The following POU3F3 variants were observed in gnomAD, a reference collection of about 807,000 sequenced individuals.
The protein encoded by POU3F3 is POU domain, class 3, transcription factor 3.
A neutral mutation model predicts 8.6 loss-of-function variants in POU3F3; 1 was observed. That is an observed-to-expected ratio of 0.12 (90% CI 0.04 to 0.55). POU3F3 has a LOEUF of 0.55. POU3F3 is among the 20% of genes least tolerant of loss of function. POU3F3 has a pLI of 0.91. For synonymous variants in POU3F3, 418 were observed against 327.4 expected (o/e 1.28, Z -2.99); for missense variants, 577 against 690.7 (o/e 0.84, Z 1.84).
Position 104,856,602 on chromosome 2 carries a change from G to A in POU3F3, c.1092G>A (p.Glu364=). ...VFSQTTICRF[E]ALQLSFKNMC... ...CGCAGACCACCATCTGCCGCTTCGAGGCCCTGCAGCTGAGCTTCAAGAACA... is the reference window on the plus strand; with the variant it reads ...CGCAGACCACCATCTGCCGCTTCGAAGCCCTGCAGCTGAGCTTCAAGAACA... The change falls in exon 1 of 1, where the codon GAG becomes GAA. Residue 364 remains glutamate (E), a synonymous_variant. Transcript: ENST00000361360. The A allele has an allele frequency of 6.2e-7, 1 of 1,614,174 alleles. No individual in the cohort carries two copies. The highest frequency in any genetic ancestry group is 8.5e-7 in the Non-Finnish European group (1 of 1,180,034).
At chr2:104,882,412 C>T in the POU3F3 span, among the ~76,000 whole-genome samples, 4 of 151,848 alleles carry the variant, frequency 2.6e-5, no homozygotes, top group South Asian at 2.1e-4. Context: ...CCACCATGCC[C>T]GGCTAATTTT....
chr2:104,900,399 A>G, the POU3F3 span, among the ~76,000 whole-genome samples: 1 of 152,228 alleles, frequency 6.6e-6, no homozygotes, highest in Non-Finnish European at 1.5e-5. Context: ...TTTATTCCTT[A>G]TATGTACAAA....
chr2:104,925,497 G>A, the POU3F3 span, among the ~76,000 whole-genome samples: 6 of 152,288 alleles, frequency 3.9e-5, no homozygotes, highest in East Asian at 1.2e-3. Context: ...GCAAAAGAGG[G>A]TGGGGAGGAG....
the POU3F3 span, among the ~76,000 whole-genome samples, chr2:104,907,306 C>T: frequency 1.3e-5 from 2 of 152,226 alleles, no homozygotes; most frequent in African/African-American, 4.8e-5. Flanking sequence ...ACTTTCCTCA[C>T]CCATCTGTCC....
chr2:104,855,447 CGCGGCT>C lies in POU3F3; in HGVS notation c.-61_-56del. 1 of 768,480 alleles carries C rather than the reference CGCGGCT, an allele frequency of 1.3e-6. No individual in the cohort carries two copies. Among genetic ancestry groups the C allele is most frequent in the Non-Finnish European group, 1.5e-6 (1 of 661,596 alleles). 47.6% of individuals were successfully genotyped at this position (768,480 alleles called of 1,614,324 possible). On this transcript the variant is annotated 5_prime_UTR_variant, in exon 1 of 1. Transcript: ENST00000361360. ...CGGCGGCGGCGGCGGCGGCGGCGGC[CGCGGCT>C]GCTGCTGCGGCGGCGGCGGCGGTGG... is the stretch of plus-strand genomic sequence containing the variant.
chr2:104,910,556 T>C, the POU3F3 span, among the ~76,000 whole-genome samples: 3 of 152,186 alleles, frequency 2.0e-5, no homozygotes, highest in Admixed American at 1.3e-4. Context: ...ATGTGAGGGT[T>C]AATTGAGAGA....
the POU3F3 span, among the ~76,000 whole-genome samples, chr2:104,910,588 A>G: frequency 1.3e-5 from 2 of 152,224 alleles, no homozygotes; most frequent in East Asian, 3.9e-4. Context: ...CTATTGTGAC[A>G]GTGAAGTGCT....
the POU3F3 span, among the ~76,000 whole-genome samples, chr2:104,909,357 T>C: frequency 3.9e-5 from 6 of 152,196 alleles, no homozygotes; most frequent in Non-Finnish European, 7.3e-5. Flanking sequence ...CCAGAAGATA[T>C]GCCAGAAAAG....
chr2:104,893,804 A>G, the POU3F3 span, among the ~76,000 whole-genome samples: 1 of 147,252 alleles, frequency 6.8e-6, no homozygotes, highest in African/African-American at 2.5e-5. Flanking sequence ...AATTGCTTGA[A>G]CCCTGGAGGC....
the POU3F3 span, among the ~76,000 whole-genome samples, chr2:104,898,941 A>T: frequency 7.4e-4 from 113 of 152,320 alleles, no homozygotes; most frequent in Non-Finnish European, 1.2e-3. Flanking sequence ...CTGACAGCAG[A>T]ACCAGAAGAT....
the POU3F3 span, among the ~76,000 whole-genome samples, chr2:104,872,065 C>T: frequency 5.2e-4 from 79 of 152,064 alleles, no homozygotes; most frequent in South Asian, 0.016. The surrounding 1 kb of genome is among the most constrained non-coding windows in gnomAD (Gnocchi z 4.6). Context: ...CCCGAACACA[C>T]ACACACAGAC....
At chr2:104,877,142 G>T in the POU3F3 span, among the ~76,000 whole-genome samples, 1 of 152,238 alleles carries the variant, frequency 6.6e-6, no homozygotes, top group African/African-American at 2.4e-5. Flanking sequence ...ATGTTTGGGG[G>T]CGCTGGGACC....
the POU3F3 span, among the ~76,000 whole-genome samples, chr2:104,911,037 C>T: frequency 6.6e-6 from 1 of 152,062 alleles, no homozygotes; most frequent in Admixed American, 6.6e-5. Flanking sequence ...ATATCAGGGA[C>T]TTGAGTATTC....
chr2:104,903,869 G>A, the POU3F3 span, among the ~76,000 whole-genome samples: 1 of 152,144 alleles, frequency 6.6e-6, no homozygotes, highest in Non-Finnish European at 1.5e-5. Flanking sequence ...TTAAGATTTG[G>A]TTCTGATTTT....
In POU3F3 at chr2:104,855,461, C is replaced by A; in HGVS notation, c.-50C>A. 3 of 872,246 alleles carry A rather than the reference C, an allele frequency of 3.4e-6. No individual in the cohort carries two copies. Among genetic ancestry groups the A allele is most frequent in the Non-Finnish European group, 4.0e-6 (3 of 740,900 alleles). The allele number at this position is 872,246 out of a possible 1,614,324, so 54.0% of individuals were successfully genotyped here. On this transcript the variant is annotated 5_prime_UTR_variant, in exon 1 of 1. Transcript: ENST00000361360. ...GCGGCGGCGGCCGCGGCTGCTGCTG[C>A]GGCGGCGGCGGCGGTGGTGGCGGCG...
Position 104,855,729 on chromosome 2 carries a change from C to G in POU3F3, c.219C>G (p.Val73=). 7.7e-7 allele frequency: 1 copy of G among 1,294,752 alleles called. No individual in the cohort carries two copies. 80.2% of individuals were successfully genotyped at this position (1,294,752 alleles called of 1,614,324 possible). A position where few individuals can be genotyped will look rare whatever the true frequency, so the allele number is the denominator to read the frequency against. ...GGGACCCGTCCTCTGTCAAGATGGT[C>G]CAGAGCGACTTCATGCAGGGGGCCA... The part of the protein sequence containing the change: ...YRGDPSSVKM[V]QSDFMQGAMA... Residue 73 remains valine, a synonymous_variant, in exon 1 of 1, where the codon GTC becomes GTG. Transcript: ENST00000361360.
At chr2:104,874,305 C>G in the POU3F3 span, among the ~76,000 whole-genome samples, 1 of 152,166 alleles carries the variant, frequency 6.6e-6, no homozygotes, top group Non-Finnish European at 1.5e-5. Flanking sequence ...GACAAAGGCA[C>G]CGGAGGGACT....
At chr2:104,879,626 T>G in the POU3F3 span, among the ~76,000 whole-genome samples, 1 of 151,970 alleles carries the variant, frequency 6.6e-6, no homozygotes, top group Non-Finnish European at 1.5e-5. Flanking sequence ...GGCCCTGAAG[T>G]GGGGTGCCCT....
the POU3F3 span, among the ~76,000 whole-genome samples, chr2:104,878,862 G>A: frequency 6.6e-6 from 1 of 150,922 alleles, no homozygotes; most frequent in Non-Finnish European, 1.5e-5. Context: ...ACAATACACA[G>A]CACAGCACAC....
Sources: allele counts gnomAD v4.1 joint callset (sites outside exome capture counted in the v4.1 genomes callset), GRCh38; gene constraint gnomAD v4.1.1; non-coding constraint Gnocchi (gnomAD v3.1); transcripts MANE v1.5; gene names NCBI Gene and HGNC (gene_info 2026-07-23, HGNC 2026-07-21).